The following NLGN4X variants were observed in gnomAD, a reference collection of about 807,000 sequenced individuals.
NLGN4X encodes the protein neuroligin 4 X-linked.
NLGN4X carries 3 observed loss-of-function variants against 40.3 expected under a neutral mutation model. The ratio of observed to expected loss-of-function variants is 0.07; its 90% CI spans 0.03 to 0.19. The LOEUF is 0.19. Among genes scored for constraint, NLGN4X ranks in the 10% least tolerant of loss-of-function variants. NLGN4X has a pLI of 1.00. For synonymous variants in NLGN4X, 270 were observed against 306.8 expected (o/e 0.88, Z 1.25); for missense variants, 382 against 708.3 (o/e 0.54, Z 5.23).
At chrX:5,895,158 G>A (rs1405278973) in intron 5 of NLGN4X, among the ~76,000 whole-genome samples, 1 of 112,461 alleles carries the variant, frequency 8.9e-6, no homozygotes, top group Non-Finnish European at 1.9e-5. Flanking sequence ...TGAGTCTGTG[G>A]TGGTGATAAA....
intron 2 of NLGN4X, among the ~76,000 whole-genome samples, chrX:6,096,648 G>A (rs1038000129): frequency 4.5e-5 from 5 of 111,755 alleles, no homozygotes; most frequent in East Asian, 2.8e-4. Flanking sequence ...AGGTTAACTC[G>A]CTGAGAGACT....
intron 3 of NLGN4X, among the ~76,000 whole-genome samples, chrX:6,027,313 G>A (rs963231294): frequency 3.6e-5 from 4 of 112,253 alleles, no homozygotes; most frequent in Admixed American, 2.8e-4. Context: ...TCAGTGAAGC[G>A]TGCAATTACT....
chrX:6,195,060 G>A (rs985837616), intron 1 of NLGN4X, among the ~76,000 whole-genome samples: 1 of 111,518 alleles, frequency 9.0e-6, no homozygotes, highest in Non-Finnish European at 1.9e-5. Flanking sequence ...ATAGGTAAAC[G>A]TGTGCCATAG....
chrX:6,068,524 C>T (rs914843139), intron 2 of NLGN4X, among the ~76,000 whole-genome samples: 3 of 111,656 alleles, frequency 2.7e-5, no homozygotes, highest in African/African-American at 9.8e-5. Context: ...GCGTTTGGGG[C>T]TGGCATGAGA....
rs2040158669 is a variant in NLGN4X at position 6,151,223 on chromosome X, G to C, written c.244C>G (p.Pro82Ala). 8.3e-7 allele frequency: 1 copy of C among 1,209,131 alleles called. No individual in the cohort carries two copies. Among genetic ancestry groups the C allele is most frequent in the Non-Finnish European group, 1.1e-6 (1 of 894,706 alleles). ...GGCTGAAACCGCCTCTCTCCAGTGG[G>C]GGGTGAGGCATAGGGGACCCCTAAG... Reference protein sequence around the residue: ...QYLGVPYASPPTGERRFQPPE... With the variant: ...QYLGVPYASPATGERRFQPPE... The change falls in exon 2 of 6, where the codon CCC (proline) becomes GCC (alanine). Residue 82 changes from proline to alanine, a missense_variant. By Grantham distance (27) the Pro-to-Ala change is conservative (BLOSUM62 -1). Coordinates refer to ENST00000381095, the MANE Select transcript of NLGN4X (RefSeq NM_181332.3).
At chrX:5,903,918 G>A in intron 4 of NLGN4X, 52 bp from the exon 5 acceptor site, 17 of 1,189,745 alleles carry the variant, frequency 1.4e-5, no homozygotes, top group Non-Finnish European at 1.8e-5. Context: ...GGACAGAAAT[G>A]CAGCTTTTAC....
chrX:6,115,994 T>C (rs1435437060), intron 2 of NLGN4X, among the ~76,000 whole-genome samples: 1 of 110,138 alleles, frequency 9.1e-6, no homozygotes, highest in Non-Finnish European at 1.9e-5. Flanking sequence ...TTTACAAATG[T>C]AATAAAGAAC....
chrX:5,961,170 T>C (rs1020078193), intron 3 of NLGN4X, among the ~76,000 whole-genome samples: 10 of 111,822 alleles, frequency 8.9e-5, no homozygotes, highest in Admixed American at 4.8e-4. Flanking sequence ...GAATTTTTTA[T>C]CTTTAAACAA....
chrX:6,074,103 G>T (rs1028874943), intron 2 of NLGN4X, among the ~76,000 whole-genome samples: 1 of 110,879 alleles, frequency 9.0e-6, no homozygotes, highest in African/African-American at 3.3e-5. Flanking sequence ...GGTGCCAACC[G>T]ACTCAAAACA....
At chrX:6,213,928 T>C (rs1369103528) in intron 1 of NLGN4X, among the ~76,000 whole-genome samples, 1 of 111,982 alleles carries the variant, frequency 8.9e-6, no homozygotes, top group Non-Finnish European at 1.9e-5. Flanking sequence ...TTTAAAGCAT[T>C]GTGGAAAAAA....
chrX:6,052,467 G>A (rs1448861287), intron 2 of NLGN4X, among the ~76,000 whole-genome samples: 1 of 112,146 alleles, frequency 8.9e-6, no homozygotes, highest in African/African-American at 3.2e-5. Flanking sequence ...TTCAGGTAAT[G>A]TGAATTCTGT....
At chrX:5,899,127 G>A (rs948453988) in intron 5 of NLGN4X, among the ~76,000 whole-genome samples, 14 of 112,430 alleles carry the variant, frequency 1.2e-4, no homozygotes, top group Admixed American at 2.8e-4. Context: ...CACATGAGAT[G>A]TAAGTTCTGA....
chrX:5,938,606 G>A (rs2033808513), intron 3 of NLGN4X, among the ~76,000 whole-genome samples: 1 of 110,137 alleles, frequency 9.1e-6, no homozygotes, highest in African/African-American at 3.3e-5. Context: ...CTCATTCTCT[G>A]TTCAGGGTTA....
intron 2 of NLGN4X, among the ~76,000 whole-genome samples, chrX:6,133,654 A>C (rs1240266745): frequency 8.9e-6 from 1 of 111,902 alleles, no homozygotes; most frequent in Non-Finnish European, 1.9e-5. Context: ...AATTGTTGGA[A>C]TCTATACCCA....
chrX:6,214,777 C>T (rs1454356628), intron 1 of NLGN4X, among the ~76,000 whole-genome samples: 2 of 111,937 alleles, frequency 1.8e-5, no homozygotes, highest in African/African-American at 6.5e-5. Context: ...AGACAAAGCC[C>T]TGTAAGGAAA....
At position 6,171,418 on chromosome X, in the gene NLGN4X, G is replaced by T. The variant is rs116482905; in HGVS notation, c.-305-19647C>A. Among the ~76,000 whole-genome samples the T allele has an allele frequency of 3.3e-3, 365 of 112,119 alleles. 3 individuals carry two copies. Among genetic ancestry groups the T allele is most frequent in the African/African-American group, 0.011 (342 of 30,893 alleles). On this transcript the variant is annotated intron_variant, in intron 1 of 5. Transcript: ENST00000381095. ...TCTAGGATTCCAGCTGTCCCAGCCT[G>T]CTCTGGGCATTAATCTGAGACCTGC...
At chrX:6,110,652 G>A (rs1011342381) in intron 2 of NLGN4X, among the ~76,000 whole-genome samples, 6 of 111,828 alleles carry the variant, frequency 5.4e-5, no homozygotes, top group African/African-American at 2.0e-4. Flanking sequence ...ACTAGGAGGA[G>A]CATATCTGGA....
intron 2 of NLGN4X, among the ~76,000 whole-genome samples, chrX:6,084,425 A>G (rs181889434): frequency 8.1e-5 from 9 of 111,318 alleles, no homozygotes; most frequent in African/African-American, 2.9e-4. Flanking sequence ...GTGGGGGTTA[A>G]CTCCTAGATC....
At chrX:6,144,646 G>A (rs916257585) in intron 2 of NLGN4X, among the ~76,000 whole-genome samples, 6 of 111,155 alleles carry the variant, frequency 5.4e-5, no homozygotes, top group African/African-American at 2.0e-4. Context: ...AGCCAGCAAT[G>A]TCCAGGTATC....
Sources: allele counts gnomAD v4.1 joint callset (sites outside exome capture counted in the v4.1 genomes callset), GRCh38; gene constraint gnomAD v4.1.1; transcripts MANE v1.5; gene names NCBI Gene and HGNC (gene_info 2026-07-23, HGNC 2026-07-21).